Variants in PLD5 observed in about 807,000 individuals in gnomAD.
PLD5 encodes phospholipase D family member 5, also known as inactive phospholipase D5.
PLD5 carries 36 observed loss-of-function variants against 61.1 expected under a neutral mutation model. That is an observed-to-expected ratio of 0.59 (90% CI 0.45 to 0.78). PLD5 has a LOEUF of 0.78. Ranked by LOEUF, PLD5 falls within the 30% of genes least tolerant of loss-of-function variation. The pLI, the probability that PLD5 is intolerant of heterozygous loss-of-function variation, is 0.00. For synonymous variants in PLD5, 243 were observed against 242.8 expected, an observed-to-expected ratio of 1.00 and a Z score of -0.01; for missense variants, 515 against 644.4, an observed-to-expected ratio of 0.80 and a Z score of 2.17.
At position 242,113,998 on chromosome 1, in the gene PLD5, T is replaced by C. The variant is rs762422881; in HGVS notation, c.962A>G (p.Asn321Ser). ...GATGGCATCTATGTCAAAACTTCTGTTTTTAGGGCAAAAGAGTTTTGGAGA... is the reference window on the plus strand; with the variant it reads ...GATGGCATCTATGTCAAAACTTCTGCTTTTAGGGCAAAAGAGTTTTGGAGA... Reference protein sequence around the residue: ...SNSPKLFCPKNRSFDIDAIYS... With the variant: ...SNSPKLFCPKSRSFDIDAIYS... The change falls in exon 7 of 10, where the codon AAC becomes AGC. Residue 321 changes from asparagine (N) to serine (S), a missense_variant. By Grantham distance (46) the Asn-to-Ser change is conservative. Transcript: ENST00000536534. 6.2e-7 allele frequency: 1 copy of C among 1,613,748 alleles called. No homozygotes were observed. Among genetic ancestry groups the C allele is most frequent in the South Asian group, 1.1e-5 (1 of 91,014 alleles).
At position 242,334,002 on chromosome 1, in the gene PLD5, T is replaced by C. The variant is rs116101531; in HGVS notation, c.326+14104A>G. ...TTTGATATATTGATTCCCTTTCTTTTCGACATATACCCAGTAGTGGAATTG... is the reference window on the plus strand; with the variant it reads ...TTTGATATATTGATTCCCTTTCTTTCCGACATATACCCAGTAGTGGAATTG... On this transcript the variant is annotated intron_variant, in intron 2 of 9. Transcript: ENST00000536534. 3.3e-3 allele frequency among the ~76,000 whole-genome samples: 508 copies of C among 152,294 alleles called. 4 individuals carry two copies. Among genetic ancestry groups the C allele is most frequent in the African/African-American group, 0.012 (496 of 41,566 alleles).
At chr1:242,103,188 A>T (rs1230507207) in intron 8 of PLD5, among the ~76,000 whole-genome samples, 1 of 152,134 alleles carries the variant, frequency 6.6e-6, no homozygotes, top group African/African-American at 2.4e-5. Context: ...GGCTCCTCTG[A>T]GTGCGAGTGT....
chr1:242,304,287 G>A (rs1333710880), intron 2 of PLD5, among the ~76,000 whole-genome samples: 1 of 152,158 alleles, frequency 6.6e-6, no homozygotes, highest in Non-Finnish European at 1.5e-5. Context: ...TGCACATAAC[G>A]GGCCCTCTTC....
At chr1:242,096,693 T>G (rs1285154699) in intron 9 of PLD5, among the ~76,000 whole-genome samples, 1 of 151,532 alleles carries the variant, frequency 6.6e-6, no homozygotes, top group Non-Finnish European at 1.5e-5. Context: ...GTTTTTTTTT[T>G]TTTTTAGTCT....
intron 9 of PLD5, among the ~76,000 whole-genome samples, chr1:242,096,821 G>A (rs1389339186): frequency 6.6e-6 from 1 of 151,706 alleles, no homozygotes; most frequent in Non-Finnish European, 1.5e-5. Context: ...GTATACATGT[G>A]CCATGTTGGT....
chr1:242,296,075 A>G (rs998162521), intron 2 of PLD5, among the ~76,000 whole-genome samples: 5 of 152,194 alleles, frequency 3.3e-5, no homozygotes, highest in Admixed American at 1.3e-4. Context: ...AGCAGAAAAA[A>G]GGTTATTACA....
chr1:242,168,318 A>G (rs1439626460), intron 5 of PLD5, among the ~76,000 whole-genome samples: 2 of 152,234 alleles, frequency 1.3e-5, no homozygotes, highest in East Asian at 1.9e-4. Flanking sequence ...AACTGTCAGC[A>G]TATCAAAGAA....
chr1:242,394,712 G>A (rs867868470), intron 1 of PLD5, among the ~76,000 whole-genome samples: 2 of 60,424 alleles, frequency 3.3e-5, no homozygotes, highest in African/African-American at 1.7e-4. Context: ...GAACATATAT[G>A]TGTATATATG....
chr1:242,210,075 A>AT (rs1443331130), intron 5 of PLD5, among the ~76,000 whole-genome samples: 1 of 152,196 alleles, frequency 6.6e-6, no homozygotes, highest in Non-Finnish European at 1.5e-5. Context: ...GATTACTGGC[A>AT]TGAGCTACCA....
At chr1:242,466,425 C>T (rs1667278550) in intron 1 of PLD5, among the ~76,000 whole-genome samples, 1 of 152,024 alleles carries the variant, frequency 6.6e-6, no homozygotes, top group African/African-American at 2.4e-5. Context: ...TCAAAAGAGA[C>T]TTTATCTAAT....
At chr1:242,305,393 T>C (rs1676291400) in intron 2 of PLD5, among the ~76,000 whole-genome samples, 1 of 152,212 alleles carries the variant, frequency 6.6e-6, no homozygotes, top group African/African-American at 2.4e-5. Context: ...AAATATTTCC[T>C]GTACACACAT....
intron 1 of PLD5, chr1:242,376,974 A>G (rs2149251750): frequency 6.2e-7 from 1 of 1,611,618 alleles, no homozygotes; most frequent in Admixed American, 1.7e-5. Context: ...CATGCCGTGT[A>G]TCCGCATGTG....
intron 1 of PLD5, among the ~76,000 whole-genome samples, chr1:242,388,499 G>C (rs2149262137): frequency 6.6e-6 from 1 of 152,338 alleles, no homozygotes; most frequent in East Asian, 1.9e-4. Flanking sequence ...ACAGAAGACT[G>C]AAGGGAGTGG....
intron 5 of PLD5, among the ~76,000 whole-genome samples, chr1:242,156,166 T>C (rs1665349912): frequency 6.6e-6 from 1 of 150,550 alleles, no homozygotes; most frequent in Admixed American, 6.8e-5. Flanking sequence ...GAGATTAGGA[T>C]TGCAACTCCT....
chr1:242,166,015 G>C (rs1403362925), intron 5 of PLD5, among the ~76,000 whole-genome samples: 1 of 152,176 alleles, frequency 6.6e-6, no homozygotes, highest in Non-Finnish European at 1.5e-5. Flanking sequence ...CCATTATGCT[G>C]TCCTTGCTCA....
At chr1:242,418,679 G>A (rs1279879405) in intron 1 of PLD5, among the ~76,000 whole-genome samples, 4 of 152,198 alleles carry the variant, frequency 2.6e-5, no homozygotes, top group Non-Finnish European at 4.4e-5. Flanking sequence ...TGGCAACTGA[G>A]AACGTGTGGG....
chr1:242,231,939 G>GAA lies in PLD5; in HGVS notation c.608-11826_608-11825dup, dbSNP rs985277684. On this transcript the variant is annotated intron_variant, in intron 4 of 9. Coordinates refer to ENST00000536534, the MANE Select transcript of PLD5 (RefSeq NM_001372062.1). Reference sequence around the variant, plus strand: ...TAAAAGGGATCTCTTTTAAAATAAGGAAAAAAAAAAAAAGAAAGAAAAAGA... The same window carrying GAA: ...TAAAAGGGATCTCTTTTAAAATAAGGAAAAAAAAAAAAAAAGAAAGAAAAAGA... 9.1e-3 allele frequency among the ~76,000 whole-genome samples: 1,022 copies of GAA among 111,726 alleles called. 18 individuals carry two copies. The highest frequency in any genetic ancestry group is 0.029 in the African/African-American group (942 of 32,600). The allele number at this position is 111,726 out of a possible 152,430, so 73.3% of individuals were successfully genotyped here.
chr1:242,149,478 C>T (rs1664770618), intron 5 of PLD5, among the ~76,000 whole-genome samples: 1 of 151,274 alleles, frequency 6.6e-6, no homozygotes, highest in Non-Finnish European at 1.5e-5. Flanking sequence ...GAAATGCTGG[C>T]ATCATAAGAT....
At position 242,083,832 on chromosome 1, in the gene PLD5, A is replaced by C. The variant is rs1267938909; in HGVS notation, c.*6022T>G. The C allele has an allele frequency of 2.6e-5, 4 of 152,176 alleles. No homozygotes were observed. The highest frequency in any genetic ancestry group is 2.9e-5 in the Non-Finnish European group (2 of 68,038). 9.4% of individuals were successfully genotyped at this position (152,176 alleles called of 1,614,324 possible). A position where few individuals can be genotyped will look rare whatever the true frequency, so the allele number is the denominator to read the frequency against. On this transcript the variant is annotated 3_prime_UTR_variant, in exon 10 of 10. Coordinates refer to ENST00000536534, the MANE Select transcript of PLD5 (RefSeq NM_001372062.1). ...AGTAACATATAATTTCAACGTTTTT[A>C]ATCCTGGGAATTGAGGTCATATTTC... is the stretch of plus-strand genomic sequence containing the variant.
Sources: gnomAD v4.1 joint callset for allele counts (sites outside exome capture counted in the v4.1 genomes callset) on GRCh38, gnomAD v4.1.1 for gene constraint, MANE v1.5 for transcripts, NCBI Gene and HGNC (gene_info 2026-07-23, HGNC 2026-07-21) for gene names.